CTNNA3: variants seen among roughly 807,000 people sequenced by gnomAD.
CTNNA3 encodes the protein catenin alpha-3.
Under a neutral mutation model 95.7 loss-of-function variants are expected in CTNNA3, and 76 were observed. That is an observed-to-expected ratio of 0.79 (90% confidence interval 0.66 to 0.96). The LOEUF is 0.96. Among genes scored for constraint, CTNNA3 ranks in the 40% least tolerant of loss-of-function variants. CTNNA3 has a pLI of 0.00. For missense variants in CTNNA3, 1,191 were observed against 1,089.8 expected, an observed-to-expected ratio of 1.09 and a Z score of -1.31; for synonymous variants, 431 against 374.4, an observed-to-expected ratio of 1.15 and a Z score of -1.74.
intron 13 of CTNNA3, among the ~76,000 whole-genome samples, chr10:66,235,945 A>G (rs190050994): frequency 3.9e-5 from 6 of 152,194 alleles, no homozygotes; most frequent in East Asian, 1.9e-4. Context: ...TCTCACGTCT[A>G]TTTTCTCATA....
intron 7 of CTNNA3, among the ~76,000 whole-genome samples, chr10:67,064,762 G>A (rs1482152710): frequency 6.6e-6 from 1 of 152,138 alleles, no homozygotes; most frequent in East Asian, 1.9e-4. Flanking sequence ...AGTTAGGTAT[G>A]GAAGATGACA....
chr10:67,442,018 G>C (rs988349378), intron 5 of CTNNA3, among the ~76,000 whole-genome samples: 1 of 152,074 alleles, frequency 6.6e-6, no homozygotes, highest in Admixed American at 6.5e-5. Context: ...AGTGCAATAA[G>C]GCATAAGCAG....
intron 1 of CTNNA3, among the ~76,000 whole-genome samples, chr10:67,682,333 A>T (rs202032775): frequency 7.0e-6 from 1 of 143,128 alleles, no homozygotes; most frequent in Non-Finnish European, 1.5e-5. Flanking sequence ...TCTCAAAAAA[A>T]AAAAAAGACT....
chr10:66,849,648 G>A (rs1475711162), intron 7 of CTNNA3, among the ~76,000 whole-genome samples: 1 of 152,052 alleles, frequency 6.6e-6, no homozygotes, highest in African/African-American at 2.4e-5. Context: ...CAGAGAATAA[G>A]GCCATGTAAA....
intron 2 of CTNNA3, among the ~76,000 whole-genome samples, chr10:67,615,932 C>G (rs572529768): frequency 6.6e-6 from 1 of 152,102 alleles, no homozygotes; most frequent in East Asian, 1.9e-4. Flanking sequence ...TCAAAATGCT[C>G]AGATTACAGG....
chr10:67,264,667 T>G (rs1372959106), intron 5 of CTNNA3, among the ~76,000 whole-genome samples: 1 of 152,190 alleles, frequency 6.6e-6, no homozygotes, highest in East Asian at 1.9e-4. Flanking sequence ...AGCTTCATCT[T>G]TTATGTGTTT....
intron 7 of CTNNA3, among the ~76,000 whole-genome samples, chr10:67,005,682 CT>C (rs11369576): frequency 0.02 from 1,237 of 61,948 alleles, 17 homozygotes; most frequent in African/African-American, 0.063. Flanking sequence ...TTTACTCCAT[CT>C]TTTTTTTTTT....
chr10:66,928,621 G>C (rs978066074), intron 7 of CTNNA3, among the ~76,000 whole-genome samples: 1 of 151,914 alleles, frequency 6.6e-6, no homozygotes, highest in African/African-American at 2.4e-5. Flanking sequence ...CATAATACTG[G>C]TCATTTTCCT....
intron 5 of CTNNA3, among the ~76,000 whole-genome samples, chr10:67,490,605 G>A (rs1221962478): frequency 1.3e-5 from 2 of 152,088 alleles, no homozygotes; most frequent in Non-Finnish European, 2.9e-5. Flanking sequence ...GGAGATGGGG[G>A]AGAACCATAC....
rs537027616 is a variant in CTNNA3 at position 66,238,914 on chromosome 10, C to T, written c.1884+41556G>A. ...AATGTGAAAAATACTGTCAGTAATA[C>T]CTTGGTAAGATGAATATGGTTTGTA... On this transcript the variant is annotated intron_variant, in intron 13 of 17. Coordinates refer to ENST00000433211, the MANE Select transcript of CTNNA3 (RefSeq NM_013266.4). Among the ~76,000 whole-genome samples, 4 of 151,746 alleles carry T rather than the reference C, an allele frequency of 2.6e-5. No individual in the cohort carries two copies. The South Asian group carries it at 8.3e-4, about 31-fold the overall frequency.
intron 13 of CTNNA3, among the ~76,000 whole-genome samples, chr10:66,148,485 G>A (rs988682007): frequency 2.0e-5 from 3 of 152,046 alleles, no homozygotes; most frequent in Admixed American, 6.6e-5. Context: ...CTCTGCCCTC[G>A]AGGATGGGAT....
At chr10:67,181,422 C>A (rs1240416718) in intron 6 of CTNNA3, among the ~76,000 whole-genome samples, 2 of 152,004 alleles carry the variant, frequency 1.3e-5, no homozygotes, top group African/African-American at 4.8e-5. Flanking sequence ...GAAGTCTTTC[C>A]AAGATTAGGC....
intron 14 of CTNNA3, among the ~76,000 whole-genome samples, chr10:66,100,347 T>C (rs1319115639): frequency 6.6e-6 from 1 of 152,182 alleles, no homozygotes; most frequent in Non-Finnish European, 1.5e-5. Flanking sequence ...TGAGCAGTTA[T>C]CAGAGGGATT....
chr10:66,700,855 T>C (rs1847920229), intron 9 of CTNNA3, among the ~76,000 whole-genome samples: 1 of 152,212 alleles, frequency 6.6e-6, no homozygotes, highest in South Asian at 2.1e-4. Context: ...AGGAGCTGTA[T>C]ATTCTCACAT....
At chr10:67,161,011 G>A (rs1344426342) in intron 7 of CTNNA3, among the ~76,000 whole-genome samples, 1 of 152,074 alleles carries the variant, frequency 6.6e-6, no homozygotes, top group Non-Finnish European at 1.5e-5. Context: ...TAGAATGGTG[G>A]GTGCTAGGGG....
chr10:66,010,436 A>T (rs2133390006), intron 15 of CTNNA3, among the ~76,000 whole-genome samples: 1 of 152,364 alleles, frequency 6.6e-6, no homozygotes, highest in South Asian at 2.1e-4. Context: ...AAGGAGAAAG[A>T]GGAATTCAAA....
chr10:67,500,669 A>G (rs1839199372), intron 5 of CTNNA3, among the ~76,000 whole-genome samples: 1 of 152,198 alleles, frequency 6.6e-6, no homozygotes, highest in Admixed American at 6.5e-5. Flanking sequence ...TGATTGCTTT[A>G]CCATTATGTA....
At chr10:67,335,706 A>T (rs1841971178) in intron 5 of CTNNA3, among the ~76,000 whole-genome samples, 1 of 152,212 alleles carries the variant, frequency 6.6e-6, no homozygotes. Flanking sequence ...AACATGCTGT[A>T]GGAGCTTACT....
chr10:66,615,158 A>G (rs1007501717), intron 10 of CTNNA3, among the ~76,000 whole-genome samples: 1 of 152,034 alleles, frequency 6.6e-6, no homozygotes, highest in Non-Finnish European at 1.5e-5. Flanking sequence ...CTTGATGTGG[A>G]CATTCCTGTG....
Sources: gnomAD v4.1 joint callset for allele counts (sites outside exome capture counted in the v4.1 genomes callset) on GRCh38, gnomAD v4.1.1 for gene constraint, MANE v1.5 for transcripts, NCBI Gene and HGNC (gene_info 2026-07-23, HGNC 2026-07-21) for gene names.